The following SPOCK3 variants were observed in gnomAD, a reference collection of about 807,000 sequenced individuals.
The protein encoded by SPOCK3 is testican-3.
Under a neutral mutation model 56.6 loss-of-function variants are expected in SPOCK3, and 30 were observed. The observed-to-expected ratio is 0.53, with a 90% confidence interval of 0.40 to 0.72. The LOEUF (loss-of-function observed/expected upper bound fraction) is 0.72. SPOCK3 is among the 30% of genes least tolerant of loss of function. The pLI is 0.00. For missense variants in SPOCK3, 527 were observed against 530.0 expected (o/e 0.99, Z 0.06); for synonymous variants, 196 against 183.3 (o/e 1.07, Z -0.56).
intron 2 of SPOCK3, among the ~76,000 whole-genome samples, chr4:167,202,632 ACC>A (rs1376687255): frequency 0.018 from 2,719 of 152,040 alleles, 76 homozygotes; most frequent in African/African-American, 0.062. Context: ...TCTATTACAA[ACC>A]ATGTTGCCAA....
At chr4:167,137,944 T>C (rs1763253011) in intron 2 of SPOCK3, among the ~76,000 whole-genome samples, 1 of 151,862 alleles carries the variant, frequency 6.6e-6, no homozygotes, top group Non-Finnish European at 1.5e-5. Flanking sequence ...GTAATAAAAA[T>C]CAAATACTCA....
At chr4:166,794,210 C>CAAAAAAAAAAAAAAAAAAAAAAAAA (rs10710162) in intron 6 of SPOCK3, among the ~76,000 whole-genome samples, 8 of 73,614 alleles carry the variant, frequency 1.1e-4, no homozygotes, top group Non-Finnish European at 1.7e-4. Context: ...GGTGATAAGG[C>CAAAAAAAAAAAAAAAAAAAAAAAAA]AAAAAAAAAA....
At chr4:167,093,006 T>C (rs998108204) in intron 2 of SPOCK3, among the ~76,000 whole-genome samples, 2 of 152,212 alleles carry the variant, frequency 1.3e-5, no homozygotes, top group African/African-American at 4.8e-5. Context: ...ATGAAAATGA[T>C]AGAGAAATTC....
At chr4:167,210,583 A>T (rs1734772247) in intron 2 of SPOCK3, among the ~76,000 whole-genome samples, 1 of 152,148 alleles carries the variant, frequency 6.6e-6, no homozygotes, top group Non-Finnish European at 1.5e-5. Context: ...TTAAAAGATA[A>T]ATGTGTGTAT....
chr4:166,774,020 G>C (rs888801587), intron 7 of SPOCK3, among the ~76,000 whole-genome samples: 1 of 152,138 alleles, frequency 6.6e-6, no homozygotes, highest in Non-Finnish European at 1.5e-5. Context: ...GTAACAAAAA[G>C]TTGTATTGTC....
intron 3 of SPOCK3, among the ~76,000 whole-genome samples, chr4:167,013,394 TA>T (rs1454545338): frequency 6.6e-6 from 1 of 151,718 alleles, no homozygotes; most frequent in Non-Finnish European, 1.5e-5. Flanking sequence ...TGTCAATATA[TA>T]ATATTGTCTT....
chr4:167,124,531 C>T (rs1054283741), intron 2 of SPOCK3, among the ~76,000 whole-genome samples: 2 of 152,144 alleles, frequency 1.3e-5, no homozygotes, highest in Admixed American at 1.3e-4. Flanking sequence ...CTTTTCTCCC[C>T]CACACCCTCC....
In SPOCK3 at chr4:166,750,144, A is replaced by G. The variant is rs538503874; in HGVS notation, c.931+4364T>C. Among the ~76,000 whole-genome samples, 163 of 152,244 alleles carry G rather than the reference A, an allele frequency of 1.1e-3. 2 individuals carry two copies. Among genetic ancestry groups the G allele is most frequent in the Non-Finnish European group, 1.8e-3 (125 of 68,014 alleles). On this transcript the variant is annotated intron_variant, in intron 8 of 10. Transcript: ENST00000357545. ...ATGACTGATTGGATTGTTCAAGTAT[A>G]TATAATATTTGATTTTAAACTATTT...
At position 166,851,408 on chromosome 4, in the gene SPOCK3, C is replaced by T. The variant is rs572437173; in HGVS notation, c.589+37722G>A. 4.6e-3 allele frequency among the ~76,000 whole-genome samples: 699 copies of T among 152,276 alleles called. 9 individuals are homozygous for T. Among genetic ancestry groups the T allele is most frequent in the African/African-American group, 0.016 (660 of 41,552 alleles). Reference sequence around the variant, plus strand: ...AAACTGGAAACTCTAAAAAGCAGAGCGCCTCTCCTCCTGCAAAGGAACGCA... The same window carrying T: ...AAACTGGAAACTCTAAAAAGCAGAGTGCCTCTCCTCCTGCAAAGGAACGCA... On this transcript the variant is annotated intron_variant, in intron 6 of 10. Transcript: ENST00000357545.
chr4:166,933,050 A>AT lies in SPOCK3; in HGVS notation c.351-20308dup, dbSNP rs540307075. Among the ~76,000 whole-genome samples the AT allele has an allele frequency of 2.4e-4, 37 of 152,210 alleles. No individual in the cohort carries two copies. The East Asian group carries it at 6.8e-3, about 28-fold the overall frequency. The stretch of plus-strand genomic sequence containing the variant: ...TTTGCTCAGAAGGTATTTTGGGGGA[A>AT]TTTTTTTAATGTGATTGCCAAATTT... On this transcript the variant is annotated intron_variant, in intron 4 of 10. Coordinates refer to ENST00000357545, the MANE Select transcript of SPOCK3 (RefSeq NM_001040159.2).
intron 5 of SPOCK3, among the ~76,000 whole-genome samples, chr4:166,907,559 A>G (rs1003387322): frequency 6.6e-6 from 1 of 152,096 alleles, no homozygotes; most frequent in African/African-American, 2.4e-5. Context: ...ACAAGAGAGG[A>G]TGTATTTTGT....
At chr4:167,173,128 G>A (rs1054246670) in intron 2 of SPOCK3, among the ~76,000 whole-genome samples, 11 of 152,038 alleles carry the variant, frequency 7.2e-5, no homozygotes, top group Non-Finnish European at 1.3e-4. Flanking sequence ...ATGTTTTTAC[G>A]ACTTCCCACT....
At chr4:166,860,647 T>C (rs895243102) in intron 6 of SPOCK3, among the ~76,000 whole-genome samples, 4 of 151,482 alleles carry the variant, frequency 2.6e-5, no homozygotes, top group East Asian at 3.9e-4. Flanking sequence ...ATCAGGAAGA[T>C]AGAAGAGGCC....
At chr4:167,097,398 G>T (rs1759253521) in intron 2 of SPOCK3, among the ~76,000 whole-genome samples, 3 of 150,566 alleles carry the variant, frequency 2.0e-5, no homozygotes, top group African/African-American at 7.3e-5. Context: ...CTTGACATTA[G>T]GCTTCTGTTA....
intron 2 of SPOCK3, among the ~76,000 whole-genome samples, chr4:167,178,703 C>G (rs909816770): frequency 7.9e-5 from 12 of 151,856 alleles, no homozygotes; most frequent in Non-Finnish European, 1.8e-4. Context: ...TAATAACATA[C>G]TGAGCAAAAG....
At chr4:167,222,010 G>A (rs1203185890) in intron 2 of SPOCK3, among the ~76,000 whole-genome samples, 2 of 152,134 alleles carry the variant, frequency 1.3e-5, no homozygotes, top group Admixed American at 6.5e-5. Flanking sequence ...GCATACCTAT[G>A]TTCATAGCAG....
rs536684862 is a variant in SPOCK3 at position 167,031,649 on chromosome 4, C to T, written c.235+30843G>A. Among the ~76,000 whole-genome samples the T allele has an allele frequency of 2.6e-5, 4 of 151,928 alleles. No homozygotes were observed. In the South Asian group the frequency reaches 8.3e-4, roughly 32 times the overall value. On this transcript the variant is annotated intron_variant, in intron 3 of 10. Coordinates refer to ENST00000357545, the MANE Select transcript of SPOCK3 (RefSeq NM_001040159.2). ...AGCAAAGAAAAACTAGAGACAAGAC[C>T]GGGCATGAAGTAGAGTATTATGATG...
At chr4:167,128,475 C>T (rs1561246849) in intron 2 of SPOCK3, among the ~76,000 whole-genome samples, 1 of 152,172 alleles carries the variant, frequency 6.6e-6, no homozygotes, top group African/African-American at 2.4e-5. Context: ...ATATTTATCT[C>T]CCTGTCTCTT....
intron 6 of SPOCK3, among the ~76,000 whole-genome samples, chr4:166,833,098 C>G (rs769070356): frequency 2.0e-5 from 3 of 152,144 alleles, no homozygotes; most frequent in African/African-American, 7.2e-5. Flanking sequence ...ATATTATATA[C>G]GTGTGTGTGT....
Sources: gnomAD v4.1 joint callset for allele counts (sites outside exome capture counted in the v4.1 genomes callset) on GRCh38, gnomAD v4.1.1 for gene constraint, MANE v1.5 for transcripts, NCBI Gene and HGNC (gene_info 2026-07-23, HGNC 2026-07-21) for gene names.